ELF1: variants seen among roughly 807,000 people sequenced by gnomAD.
ELF1 encodes the protein E74 like ETS transcription factor 1.
Under a neutral mutation model 59.9 loss-of-function variants are expected in ELF1, and 24 were observed. The observed-to-expected ratio is 0.40, with a 90% CI of 0.29 to 0.56. The LOEUF is 0.56. Ranked by LOEUF, ELF1 falls within the 20% of genes least tolerant of loss-of-function variation. ELF1 has a pLI of 0.44. For missense variants in ELF1, 627 were observed against 742.2 expected (o/e 0.84, Z 1.80); for synonymous variants, 248 against 266.2 (o/e 0.93, Z 0.67).
At chr13:40,945,074 C>G (rs910838582) in intron 5 of ELF1, among the ~76,000 whole-genome samples, 7 of 152,178 alleles carry the variant, frequency 4.6e-5, no homozygotes, top group Admixed American at 6.5e-5. Flanking sequence ...TGCAGAGAAC[C>G]CTTCATGAGA....
intron 2 of ELF1, among the ~76,000 whole-genome samples, chr13:40,960,979 T>G (rs528589394): frequency 6.6e-6 from 1 of 152,332 alleles, no homozygotes; most frequent in African/African-American, 2.4e-5. Flanking sequence ...CAAGCCATCT[T>G]CTTAAATGTA....
At chr13:41,055,156 C>T (rs1187961789) in intron 1 of ELF1, among the ~76,000 whole-genome samples, 1 of 152,178 alleles carries the variant, frequency 6.6e-6, no homozygotes, top group Non-Finnish European at 1.5e-5. Flanking sequence ...TGTCCCCAGA[C>T]ACTTCCAGCT....
intron 5 of ELF1, among the ~76,000 whole-genome samples, chr13:40,946,994 A>G (rs1870546732): frequency 6.6e-6 from 1 of 151,942 alleles, no homozygotes; most frequent in Non-Finnish European, 1.5e-5. Context: ...TAGCACAATT[A>G]TTTTGAGAGA....
At position 40,933,589 on chromosome 13, in the gene ELF1, TA is replaced by T; in HGVS notation, c.1695del (p.Thr566HisfsTer4). ...SVIKTQETKT[L>X]TQEVEKKESE... ...GATTCCTTTTTCTCTACTTCCTGTG[TA>T]AGAGTTTTTGTTTCTTGAGTTTTGA... On this transcript the variant is annotated frameshift_variant, in exon 9 of 9. Coordinates refer to ENST00000239882, the MANE Select transcript of ELF1 (RefSeq NM_172373.4). LOFTEE classifies it high-confidence loss of function. 6.2e-7 allele frequency: 1 copy of T among 1,614,244 alleles called. No homozygotes were observed. The highest frequency in any genetic ancestry group is 8.5e-7 in the Non-Finnish European group (1 of 1,180,046).
chr13:40,954,725 C>T (rs1871109347), intron 3 of ELF1, among the ~76,000 whole-genome samples: 1 of 151,716 alleles, frequency 6.6e-6, no homozygotes, highest in African/African-American at 2.4e-5. Context: ...GCCGGGATGG[C>T]AGACGGAGTC....
At chr13:40,959,138 AT>A in intron 2 of ELF1, 122 bp from the exon 3 acceptor site, 1 of 1,302,912 alleles carries the variant, frequency 7.7e-7, no homozygotes, top group South Asian at 1.7e-5. Flanking sequence ...ATCAGGCTGT[AT>A]CTCTATAATC....
At chr13:40,977,757 T>C (rs960369777) in intron 2 of ELF1, among the ~76,000 whole-genome samples, 6 of 152,152 alleles carry the variant, frequency 3.9e-5, no homozygotes, top group Admixed American at 6.6e-5. Context: ...CAAAATCCTA[T>C]TCCAATTTGG....
chr13:40,984,333 G>A (rs1030923256), intron 1 of ELF1, among the ~76,000 whole-genome samples: 2 of 152,186 alleles, frequency 1.3e-5, no homozygotes, highest in East Asian at 1.9e-4. Context: ...GCAGGCTGGT[G>A]GGGAAGGAGT....
At chr13:40,947,813 A>G (rs997656284) in intron 5 of ELF1, among the ~76,000 whole-genome samples, 3 of 152,242 alleles carry the variant, frequency 2.0e-5, no homozygotes, top group African/African-American at 7.2e-5. Flanking sequence ...TAGACTAGGA[A>G]ACCCTAGGAT....
chr13:41,016,088 A>C (rs1392441550), intron 1 of ELF1, among the ~76,000 whole-genome samples: 1 of 152,180 alleles, frequency 6.6e-6, no homozygotes, highest in East Asian at 1.9e-4. Flanking sequence ...ATCTCTAGGC[A>C]ATCTGAATCT....
At chr13:41,017,586 C>T (rs1237363609) in intron 1 of ELF1, among the ~76,000 whole-genome samples, 3 of 151,858 alleles carry the variant, frequency 2.0e-5, no homozygotes, top group Non-Finnish European at 1.5e-5. Context: ...TCTTTTTACC[C>T]CCCCTTCTCC....
intron 6 of ELF1, among the ~76,000 whole-genome samples, chr13:40,943,466 T>C (rs1443874671): frequency 6.6e-6 from 1 of 152,200 alleles, no homozygotes; most frequent in Admixed American, 6.5e-5. Flanking sequence ...GTAGTTCTCT[T>C]TAGATTAGAG....
chr13:40,995,946 C>A (rs958132399), intron 1 of ELF1, among the ~76,000 whole-genome samples: 2 of 152,122 alleles, frequency 1.3e-5, no homozygotes, highest in African/African-American at 4.8e-5. Context: ...GATTAAAGGA[C>A]TGTTATCTAA....
chr13:40,939,677 T>C (rs1870010195), intron 8 of ELF1, among the ~76,000 whole-genome samples: 1 of 152,056 alleles, frequency 6.6e-6, no homozygotes. Flanking sequence ...AAATCTAAAA[T>C]ATGAAACTTT....
chr13:40,953,213 T>A (rs1870972855), intron 3 of ELF1, among the ~76,000 whole-genome samples: 2 of 152,068 alleles, frequency 1.3e-5, no homozygotes, highest in African/African-American at 4.8e-5. Context: ...CGACCTCAGG[T>A]GATCTGCCCG....
At chr13:41,020,881 A>C (rs1279682620), upstream of ELF1, among the ~76,000 whole-genome samples, 1 of 152,196 alleles carries the variant, frequency 6.6e-6, no homozygotes, top group Non-Finnish European at 1.5e-5. Context: ...CTTTTGGCTA[A>C]TTAGAAATAA....
chr13:41,032,734 C>T lies in ELF1; in HGVS notation c.-229+28104G>A, dbSNP rs189077957. Among the ~76,000 whole-genome samples, 106 of 151,888 alleles carry T rather than the reference C, an allele frequency of 7.0e-4. 1 individual carries two copies. In the Middle Eastern group the frequency reaches 0.017, roughly 24 times the overall value. On this transcript the variant is annotated intron_variant, in intron 1 of 1. Coordinates refer to the ELF1 transcript ENST00000405737. The stretch of plus-strand genomic sequence containing the variant: ...GTATGGTGGTGCAAGCCTGTAGTCC[C>T]AGCTACTTAGGAGACCAAAGCAGAA...
intron 1 of ELF1, among the ~76,000 whole-genome samples, chr13:40,998,071 C>T (rs1335840943): frequency 6.6e-6 from 1 of 152,026 alleles, no homozygotes; most frequent in Non-Finnish European, 1.5e-5. Flanking sequence ...CACTTCAGCC[C>T]AAAAGGTGGA....
At chr13:40,955,483 G>C (rs1240562228) in intron 3 of ELF1, among the ~76,000 whole-genome samples, 1 of 110,620 alleles carries the variant, frequency 9.0e-6, no homozygotes, top group African/African-American at 3.4e-5. Flanking sequence ...GCCTCTGCCC[G>C]GCCGCCCCTA....
Sources: allele counts gnomAD v4.1 joint callset (sites outside exome capture counted in the v4.1 genomes callset), GRCh38; gene constraint gnomAD v4.1.1; transcripts MANE v1.5; gene names NCBI Gene and HGNC (gene_info 2026-07-23, HGNC 2026-07-21).